EPHA5: variants seen among roughly 807,000 people sequenced by gnomAD.
The protein encoded by EPHA5 is EPH receptor A5.
In EPHA5, 60 loss-of-function variants were observed where a neutral mutation model predicts 105.0. The observed-to-expected ratio is 0.57, with a 90% CI of 0.46 to 0.71. The LOEUF is 0.71. Ranked by LOEUF, EPHA5 falls within the 30% of genes least tolerant of loss-of-function variation. EPHA5 has a pLI of 0.00. For missense variants in EPHA5, 1,218 were observed against 1,274.7 expected, an observed-to-expected ratio of 0.96 and a Z score of 0.68; for synonymous variants, 513 against 449.1, an observed-to-expected ratio of 1.14 and a Z score of -1.80.
intron 8 of EPHA5, among the ~76,000 whole-genome samples, chr4:65,381,769 C>T (rs76343874): frequency 1.2e-3 from 180 of 151,688 alleles, no homozygotes; most frequent in Non-Finnish European, 2.1e-3. Context: ...TCATAAGTGC[C>T]CAGCCCTCTT....
intron 4 of EPHA5, among the ~76,000 whole-genome samples, chr4:65,493,750 A>T (rs1057254341): frequency 9.9e-5 from 15 of 152,096 alleles, no homozygotes; most frequent in Admixed American, 5.2e-4. Context: ...CTTGCCACCA[A>T]AGTACAGCTT....
intron 3 of EPHA5, among the ~76,000 whole-genome samples, chr4:65,569,550 C>A (rs116412103): frequency 0.02 from 3,052 of 151,474 alleles, 39 homozygotes; most frequent in Non-Finnish European, 0.024. Flanking sequence ...TGAATCTGGA[C>A]CAGATAAATT....
chr4:65,405,811 C>T (rs1409747749), intron 7 of EPHA5, among the ~76,000 whole-genome samples: 1 of 151,906 alleles, frequency 6.6e-6, no homozygotes, highest in African/African-American at 2.4e-5. Flanking sequence ...AAAAAACTAC[C>T]CCCAGAGTCG....
At chr4:65,350,984 A>G (rs1203187767) in intron 13 of EPHA5, among the ~76,000 whole-genome samples, 1 of 151,176 alleles carries the variant, frequency 6.6e-6, no homozygotes, top group African/African-American at 2.4e-5. Flanking sequence ...AATATTATAC[A>G]TGTTTACTTA....
intron 3 of EPHA5, among the ~76,000 whole-genome samples, chr4:65,554,409 G>A (rs778459561): frequency 1.3e-5 from 2 of 151,056 alleles, no homozygotes; most frequent in Non-Finnish European, 3.0e-5. Context: ...ACCAAATAAT[G>A]ATTATTTATC....
chr4:65,594,651 T>A lies in EPHA5; in HGVS notation c.910+6990A>T, dbSNP rs1440249831. Among the ~76,000 whole-genome samples, 3 of 152,192 alleles carry A rather than the reference T, an allele frequency of 2.0e-5. No homozygotes were observed. The East Asian group carries it at 5.8e-4, about 29-fold the overall frequency. On this transcript the variant is annotated intron_variant, in intron 3 of 16. Coordinates refer to ENST00000613740, the MANE Select transcript of EPHA5 (RefSeq NM_001281766.3). The stretch of plus-strand genomic sequence containing the variant: ...GAAATCACGAGGTTTTTGGTTCTTC[T>A]GTCTTTTCTTTCATTGCCAAGTCCC...
chr4:65,370,674 G>T (rs533461165), intron 8 of EPHA5, among the ~76,000 whole-genome samples: 1 of 152,092 alleles, frequency 6.6e-6, no homozygotes, highest in African/African-American at 2.4e-5. Flanking sequence ...CAAAACTTTG[G>T]ATCTCATAAG....
At chr4:65,426,044 T>C in intron 5 of EPHA5, among the ~76,000 whole-genome samples, 1 of 152,150 alleles carries the variant, frequency 6.6e-6, no homozygotes, top group South Asian at 2.1e-4. Flanking sequence ...GGACTACTTC[T>C]TTACACCTTC....
At chr4:65,356,070 C>T (rs1723269808) in intron 11 of EPHA5, among the ~76,000 whole-genome samples, 1 of 151,436 alleles carries the variant, frequency 6.6e-6, no homozygotes, top group South Asian at 2.1e-4. Flanking sequence ...GCAGCTTTTC[C>T]TGCTTGGCAC....
chr4:65,462,561 C>A (rs959313890), intron 5 of EPHA5, among the ~76,000 whole-genome samples: 2 of 152,110 alleles, frequency 1.3e-5, no homozygotes, highest in Non-Finnish European at 2.9e-5. Flanking sequence ...GAGTCTGGGG[C>A]TTCAGTGGGG....
chr4:65,532,679 T>G (rs957321723), intron 3 of EPHA5, among the ~76,000 whole-genome samples: 1 of 151,076 alleles, frequency 6.6e-6, no homozygotes, highest in African/African-American at 2.4e-5. Context: ...CAGTTTTTTT[T>G]TTTTTTTTTG....
intron 3 of EPHA5, among the ~76,000 whole-genome samples, chr4:65,556,219 C>T (rs1738425615): frequency 6.6e-6 from 1 of 152,028 alleles, no homozygotes; most frequent in Non-Finnish European, 1.5e-5. Context: ...TTTATTTCAC[C>T]ACCAGTTGAA....
intron 3 of EPHA5, among the ~76,000 whole-genome samples, chr4:65,576,000 G>GAGAGAAAGAA (rs1553943368): frequency 1.7e-4 from 5 of 29,732 alleles, no homozygotes; most frequent in South Asian, 1.4e-3. Flanking sequence ...GAGAGAGAGA[G>GAGAGAAAGAA]AGAAAGAAAG....
At chr4:65,333,664 C>T (rs1481202867) in intron 15 of EPHA5, among the ~76,000 whole-genome samples, 1 of 137,486 alleles carries the variant, frequency 7.3e-6, no homozygotes, top group Non-Finnish European at 1.5e-5. Flanking sequence ...GGAGCCAGGA[C>T]TTGGCCCTAT....
In EPHA5 at chr4:65,506,635, G is replaced by C. The variant is rs1733055535; in HGVS notation, c.911-11092C>G. 2.2e-5 allele frequency among the ~76,000 whole-genome samples: 3 copies of C among 135,604 alleles called. 1 individual carries two copies. In the South Asian group the frequency reaches 7.0e-4, roughly 32 times the overall value. The allele number at this position is 135,604 out of a possible 152,430, so 89.0% of individuals were successfully genotyped here. A position where few individuals can be genotyped will look rare whatever the true frequency, so the allele number is the denominator to read the frequency against. ...GCATTTTGTCATGTGTCTTTTGGCT[G>C]CATAAATGTCTTCTTTTGGCTGCAT... On this transcript the variant is annotated intron_variant, in intron 3 of 16. Transcript: ENST00000613740.
chr4:65,614,235 C>T (rs887800019), intron 2 of EPHA5, among the ~76,000 whole-genome samples: 1 of 151,724 alleles, frequency 6.6e-6, no homozygotes, highest in Non-Finnish European at 1.5e-5. Flanking sequence ...GTGATTTTAG[C>T]CTTAATATTA....
At chr4:65,334,865 T>C (rs1721021828) in intron 15 of EPHA5, among the ~76,000 whole-genome samples, 1 of 151,938 alleles carries the variant, frequency 6.6e-6, no homozygotes, top group Non-Finnish European at 1.5e-5. Context: ...TTCAAATAAG[T>C]AGATAAGAGA....
intron 3 of EPHA5, among the ~76,000 whole-genome samples, chr4:65,556,706 G>A (rs754606261): frequency 7.2e-5 from 11 of 152,110 alleles, no homozygotes; most frequent in South Asian, 2.1e-4. Flanking sequence ...CAAATAGAGC[G>A]TTATTTTCAG....
chr4:65,431,893 T>C lies in EPHA5; in HGVS notation c.1403-11328A>G, dbSNP rs539114124. Among the ~76,000 whole-genome samples the C allele has an allele frequency of 1.8e-4, 27 of 149,944 alleles. No homozygotes were observed. In the East Asian group the frequency reaches 5.3e-3, roughly 29 times the overall value. ...GAACAAGCATGTGGTATGTGCCCAA[T>C]AAAAAAAAAGATCCAATCCATCAAG... On this transcript the variant is annotated intron_variant, in intron 5 of 16. Coordinates refer to ENST00000613740, the MANE Select transcript of EPHA5 (RefSeq NM_001281766.3).
Sources: gnomAD v4.1 joint callset for allele counts (sites outside exome capture counted in the v4.1 genomes callset) on GRCh38, gnomAD v4.1.1 for gene constraint, MANE v1.5 for transcripts, NCBI Gene and HGNC (gene_info 2026-07-23, HGNC 2026-07-21) for gene names.